EYS: variants seen among roughly 807,000 people sequenced by gnomAD.
EYS encodes the protein EGF-like photoreceptor maintenance factor, also known as protein eyes shut homolog.
In EYS, 250 loss-of-function variants were observed where a neutral mutation model predicts 282.1. That is an observed-to-expected ratio of 0.89 (90% CI 0.80 to 0.98). The LOEUF is 0.98. EYS is among the 50% of genes least tolerant of loss of function. The pLI is 0.00. For synonymous variants in EYS, 1,355 were observed against 1,282.9 expected, an observed-to-expected ratio of 1.06 and a Z score of -1.20; for missense variants, 4,016 against 3,709.0, an observed-to-expected ratio of 1.08 and a Z score of -2.15.
intron 12 of EYS, among the ~76,000 whole-genome samples, chr6:65,286,070 AAC>A (rs1302838843): frequency 6.6e-6 from 1 of 151,884 alleles, no homozygotes; most frequent in African/African-American, 2.4e-5. Context: ...AAAAAATCTA[AAC>A]ACAGAAATTA....
At chr6:64,247,507 A>G (rs1284185371) in intron 30 of EYS, among the ~76,000 whole-genome samples, 1 of 152,202 alleles carries the variant, frequency 6.6e-6, no homozygotes, top group Non-Finnish European at 1.5e-5. Context: ...GATTAATTAC[A>G]CACAAATCAT....
intron 15 of EYS, among the ~76,000 whole-genome samples, chr6:64,945,049 G>A (rs1769235032): frequency 6.6e-6 from 1 of 150,684 alleles, no homozygotes; most frequent in South Asian, 2.1e-4. Context: ...AATAAAAGCT[G>A]AGGGAACTCA....
intron 35 of EYS, among the ~76,000 whole-genome samples, chr6:63,865,910 T>C (rs1257566741): frequency 6.6e-6 from 1 of 152,178 alleles, no homozygotes; most frequent in Non-Finnish European, 1.5e-5. Context: ...GGTGGGGTTG[T>C]AAGGCTTTGA....
chr6:64,809,263 G>A (rs76206549), intron 22 of EYS, among the ~76,000 whole-genome samples: 4,603 of 152,054 alleles, frequency 0.03, 233 homozygotes, highest in African/African-American at 0.11. Context: ...GATGAGTTCA[G>A]CTATATGAAC....
intron 41 of EYS, among the ~76,000 whole-genome samples, chr6:63,748,206 T>C (rs1769257538): frequency 6.6e-6 from 1 of 152,100 alleles, no homozygotes; most frequent in African/African-American, 2.4e-5. Context: ...GACACTTAGG[T>C]TGATTATACT....
intron 31 of EYS, among the ~76,000 whole-genome samples, chr6:64,142,168 C>A (rs1382820675): frequency 1.3e-5 from 2 of 151,964 alleles, no homozygotes; most frequent in Non-Finnish European, 2.9e-5. Context: ...CCCATGCTGA[C>A]CGTTACCTCT....
At chr6:64,955,945 C>T (rs1251960255) in intron 14 of EYS, among the ~76,000 whole-genome samples, 1 of 152,146 alleles carries the variant, frequency 6.6e-6, no homozygotes, top group Non-Finnish European at 1.5e-5. Flanking sequence ...GTCCACATGC[C>T]TTATTCTTCT....
At chr6:64,386,044 T>C (rs1485585124) in intron 29 of EYS, among the ~76,000 whole-genome samples, 5 of 152,110 alleles carry the variant, frequency 3.3e-5, no homozygotes, top group Admixed American at 6.6e-5. Context: ...GCTTCCACCA[T>C]CTCCTGTGCA....
chr6:64,185,295 C>T (rs946328471), intron 31 of EYS, among the ~76,000 whole-genome samples: 1 of 152,114 alleles, frequency 6.6e-6, no homozygotes, highest in Non-Finnish European at 1.5e-5. Context: ...TCACTTCTAA[C>T]CCACAGTCAG....
At chr6:64,911,765 G>C (rs1767999404) in intron 16 of EYS, among the ~76,000 whole-genome samples, 1 of 152,050 alleles carries the variant, frequency 6.6e-6, no homozygotes, top group East Asian at 1.9e-4. Flanking sequence ...GATGGTAATT[G>C]CTTATGAGTA....
intron 21 of EYS, among the ~76,000 whole-genome samples, chr6:64,816,342 TTGC>T (rs1308377210): frequency 6.6e-6 from 1 of 152,116 alleles, no homozygotes; most frequent in Non-Finnish European, 1.5e-5. Context: ...GGCTTTTACT[TTGC>T]AAGCTGCAGG....
At chr6:65,293,571 A>C (rs1768585238) in intron 12 of EYS, among the ~76,000 whole-genome samples, 1 of 151,858 alleles carries the variant, frequency 6.6e-6, no homozygotes, top group Admixed American at 6.6e-5. Flanking sequence ...CACACTCAGA[A>C]GTGAATTTTA....
At chr6:63,901,307 G>A (rs1773652415) in intron 35 of EYS, among the ~76,000 whole-genome samples, 1 of 152,182 alleles carries the variant, frequency 6.6e-6, no homozygotes, top group Non-Finnish European at 1.5e-5. Context: ...TAAATGTGAA[G>A]ATAGACAGAG....
At chr6:64,545,320 A>C (rs953917885) in intron 26 of EYS, among the ~76,000 whole-genome samples, 1 of 152,048 alleles carries the variant, frequency 6.6e-6, no homozygotes. Context: ...AAATTCAACG[A>C]CCCTTCATGC....
rs1554216352 is a variant in EYS, at chr6:64,902,059, T to TCTTA, written c.2846+53_2846+54insTAAG. 2.3e-3 allele frequency: 2,930 copies of TCTTA among 1,270,054 alleles called. 66 individuals are homozygous for TCTTA. In the African/African-American group the frequency reaches 0.04, roughly 17 times the overall value. The allele number at this position is 1,270,054 out of a possible 1,614,324, so 78.7% of individuals were successfully genotyped here. On this transcript the variant is annotated intron_variant, in intron 18 of 42. Coordinates refer to ENST00000503581, the MANE Select transcript of EYS (RefSeq NM_001142800.2). Reference sequence around the variant, plus strand: ...ATAATGAGCACATGTGTGCTCACTTTCTTGTTGAATTACACACATCAAATA... The same window carrying TCTTA: ...ATAATGAGCACATGTGTGCTCACTTTCTTACTTGTTGAATTACACACATCAAATA...
intron 7 of EYS, among the ~76,000 whole-genome samples, chr6:65,385,824 T>C (rs1336877642): frequency 6.6e-6 from 1 of 151,996 alleles, no homozygotes; most frequent in Non-Finnish European, 1.5e-5. Flanking sequence ...AGGGGCTAGC[T>C]AGATATCCAG....
intron 35 of EYS, among the ~76,000 whole-genome samples, chr6:63,869,399 CTT>C (rs1772746338): frequency 1.1e-5 from 1 of 93,746 alleles, no homozygotes; most frequent in African/African-American, 3.1e-5. Context: ...GCATGGTTCA[CTT>C]TACAAAAAAA....
rs1765089131 is a variant in EYS at position 63,937,340 on chromosome 6, CTTTTCT to C, written c.7055+47037_7055+47042del. Among the ~76,000 whole-genome samples, 9 of 46,088 alleles carry C rather than the reference CTTTTCT, an allele frequency of 2.0e-4. 2 individuals are homozygous for C. The highest frequency in any genetic ancestry group is 4.1e-4 in the African/African-American group (6 of 14,620). 30.2% of individuals were successfully genotyped at this position (46,088 alleles called of 152,430 possible). On this transcript the variant is annotated intron_variant, in intron 35 of 42. Coordinates refer to ENST00000503581, the MANE Select transcript of EYS (RefSeq NM_001142800.2). ...AGATCCAAATTTTCTAGGCTTCTCT[CTTTTCT>C]TTTTTTTTTTTTTTTTTTTTTTTTT...
At chr6:64,095,465 T>C (rs1259438726) in intron 31 of EYS, among the ~76,000 whole-genome samples, 1 of 152,180 alleles carries the variant, frequency 6.6e-6, no homozygotes, top group South Asian at 2.1e-4. Flanking sequence ...ATATTTAGGA[T>C]AGTTAGCTCT....
Sources: gnomAD v4.1 joint callset for allele counts (sites outside exome capture counted in the v4.1 genomes callset) on GRCh38, gnomAD v4.1.1 for gene constraint, MANE v1.5 for transcripts, NCBI Gene and HGNC (gene_info 2026-07-23, HGNC 2026-07-21) for gene names.